Variants in EYA4 observed in about 807,000 individuals in gnomAD.
EYA4 encodes EYA transcriptional coactivator and phosphatase 4.
Under a neutral mutation model 87.9 loss-of-function variants are expected in EYA4, and 31 were observed. The observed-to-expected ratio is 0.35, with a 90% CI of 0.27 to 0.48. EYA4 has a LOEUF of 0.48. Ranked by LOEUF, EYA4 falls within the 20% of genes least tolerant of loss-of-function variation. The pLI, the probability that EYA4 is intolerant of heterozygous loss-of-function variation, is 0.99. For synonymous variants in EYA4, 263 were observed against 270.6 expected (o/e 0.97, Z 0.28); for missense variants, 678 against 761.4 (o/e 0.89, Z 1.29).
intron 3 of EYA4, among the ~76,000 whole-genome samples, chr6:133,444,873 T>C (rs1792655280): frequency 6.6e-6 from 1 of 152,140 alleles, no homozygotes; most frequent in Non-Finnish European, 1.5e-5. Context: ...CGTAATTAGG[T>C]CTTGGTTGTA....
At chr6:133,516,969 A>C (rs1310447387) in intron 17 of EYA4, among the ~76,000 whole-genome samples, 1 of 152,186 alleles carries the variant, frequency 6.6e-6, no homozygotes, top group Admixed American at 6.5e-5. Flanking sequence ...ATAGTGCTGC[A>C]GTGAACATGT....
chr6:133,497,864 A>G (rs906858631), intron 13 of EYA4, among the ~76,000 whole-genome samples: 1 of 152,182 alleles, frequency 6.6e-6, no homozygotes, highest in Non-Finnish European at 1.5e-5. Context: ...AGGGGGAAAA[A>G]GTGAAGGAAC....
chr6:133,465,094 AGTT>A (rs1191515054), intron 10 of EYA4, among the ~76,000 whole-genome samples: 1 of 152,096 alleles, frequency 6.6e-6, no homozygotes, highest in Non-Finnish European at 1.5e-5. Flanking sequence ...TTTATGCTGT[AGTT>A]GTTTTAATCA....
intron 13 of EYA4, among the ~76,000 whole-genome samples, chr6:133,484,657 C>T (rs1355682003): frequency 6.6e-6 from 1 of 152,122 alleles, no homozygotes; most frequent in Non-Finnish European, 1.5e-5. Flanking sequence ...AGAATTTATT[C>T]TAAGTAGTAT....
chr6:133,518,247 T>C (rs554637708), intron 17 of EYA4, among the ~76,000 whole-genome samples: 28 of 151,822 alleles, frequency 1.8e-4, no homozygotes, highest in African/African-American at 6.5e-4. Context: ...ATATAATATA[T>C]ACAGATTAAT....
chr6:133,300,352 A>G (rs1275850377), intron 2 of EYA4, among the ~76,000 whole-genome samples: 1 of 152,136 alleles, frequency 6.6e-6, no homozygotes, highest in Non-Finnish European at 1.5e-5. Flanking sequence ...TGATTCTGTC[A>G]TCATCTACTG....
intron 19 of EYA4, among the ~76,000 whole-genome samples, chr6:133,527,934 T>C (rs774540270): frequency 2.0e-5 from 3 of 152,164 alleles, no homozygotes; most frequent in East Asian, 1.9e-4. Context: ...GGGGACTCTT[T>C]AGACAGTTTT....
intron 4 of EYA4, among the ~76,000 whole-genome samples, chr6:133,447,095 ATG>A (rs1249236327): frequency 1.3e-5 from 2 of 152,148 alleles, no homozygotes; most frequent in Non-Finnish European, 2.9e-5. Flanking sequence ...AAATGTCTGT[ATG>A]TGTGTGTGTA....
At chr6:133,242,067 G>A (rs943308733) in intron 1 of EYA4, among the ~76,000 whole-genome samples, 3 of 152,236 alleles carry the variant, frequency 2.0e-5, no homozygotes, top group Non-Finnish European at 4.4e-5. Flanking sequence ...TGCGCGTAAC[G>A]GAGTTCATCC....
chr6:133,308,059 T>A (rs1424528856), intron 2 of EYA4, among the ~76,000 whole-genome samples: 1 of 152,176 alleles, frequency 6.6e-6, no homozygotes, highest in African/African-American at 2.4e-5. Flanking sequence ...ATGTAAGATG[T>A]GCCTTTGCTC....
At chr6:133,292,201 G>T (rs114530607) in intron 2 of EYA4, among the ~76,000 whole-genome samples, 2 of 152,084 alleles carry the variant, frequency 1.3e-5, no homozygotes, top group Non-Finnish European at 2.9e-5. Flanking sequence ...GACACATTCC[G>T]TTGCACAAAA....
intron 2 of EYA4, among the ~76,000 whole-genome samples, chr6:133,300,639 C>T (rs1274047906): frequency 2.6e-5 from 4 of 152,066 alleles, no homozygotes; most frequent in Admixed American, 6.5e-5. Flanking sequence ...CTCAGCCTCC[C>T]GAGTTGGTGG....
chr6:133,462,844 C>A, intron 9 of EYA4, 80 bp downstream of exon 9: 1 of 1,296,248 alleles, frequency 7.7e-7, no homozygotes, highest in Non-Finnish European at 1.1e-6. Flanking sequence ...TAGGAATATC[C>A]AATCATGAAG....
At chr6:133,370,519 G>A (rs1785186799) in intron 2 of EYA4, among the ~76,000 whole-genome samples, 1 of 152,172 alleles carries the variant, frequency 6.6e-6, no homozygotes, top group African/African-American at 2.4e-5. Flanking sequence ...GCTAAAGTGT[G>A]AAACACACTT....
chr6:133,347,148 A>T (rs1235637542), intron 2 of EYA4, among the ~76,000 whole-genome samples: 1 of 152,154 alleles, frequency 6.6e-6, no homozygotes, highest in Non-Finnish European at 1.5e-5. Flanking sequence ...TTTGTGTAAC[A>T]TTCTCCCGTG....
chr6:133,261,373 T>C (rs567442906), intron 1 of EYA4, among the ~76,000 whole-genome samples: 1 of 152,380 alleles, frequency 6.6e-6, no homozygotes, highest in African/African-American at 2.4e-5. Flanking sequence ...TTTTGCCAAC[T>C]TAAAATGTCT....
chr6:133,386,325 C>T (rs1406380744), intron 3 of EYA4, among the ~76,000 whole-genome samples: 1 of 152,024 alleles, frequency 6.6e-6, no homozygotes, highest in Non-Finnish European at 1.5e-5. Flanking sequence ...TAAATAGCTC[C>T]TGGACAAATG....
At chr6:133,359,532 A>G (rs1172414425) in intron 2 of EYA4, among the ~76,000 whole-genome samples, 1 of 152,220 alleles carries the variant, frequency 6.6e-6, no homozygotes, top group African/African-American at 2.4e-5. Context: ...AGCTGCAGAC[A>G]TAGAAACCAA....
At chr6:133,332,711 ATT>A (rs71003634) in intron 2 of EYA4, among the ~76,000 whole-genome samples, 4 of 124,886 alleles carry the variant, frequency 3.2e-5, no homozygotes, top group Admixed American at 1.8e-4. Flanking sequence ...GCCCAGCTAA[ATT>A]TTTTTTTTTT....
Sources: gnomAD v4.1 joint callset for allele counts (sites outside exome capture counted in the v4.1 genomes callset) on GRCh38, gnomAD v4.1.1 for gene constraint, MANE v1.5 for transcripts, NCBI Gene and HGNC (gene_info 2026-07-23, HGNC 2026-07-21) for gene names.